BNC2: variants seen among roughly 807,000 people sequenced by gnomAD.
BNC2 encodes the protein zinc finger protein basonuclin-2.
BNC2 carries 20 observed loss-of-function variants against 76.3 expected under a neutral mutation model. The observed-to-expected ratio is 0.26, with a 90% CI of 0.18 to 0.38. BNC2 has a LOEUF of 0.38. Ranked by LOEUF, BNC2 falls within the 10% of genes least tolerant of loss-of-function variation. The probability of loss-of-function intolerance (pLI) is 1.00; values close to 1 mark genes in which losing one functional copy is unlikely to be tolerated. For missense variants in BNC2, 1,382 were observed against 1,399.8 expected (o/e 0.99, Z 0.20); for synonymous variants, 582 against 514.8 (o/e 1.13, Z -1.77).
intron 5 of BNC2, among the ~76,000 whole-genome samples, chr9:16,474,808 A>G (rs531533851): frequency 1.5e-4 from 23 of 152,208 alleles, no homozygotes; most frequent in East Asian, 3.9e-4. Context: ...GAATATTCAC[A>G]TACCATAGTA....
chr9:16,692,617 T>A (rs1823206675), intron 3 of BNC2, among the ~76,000 whole-genome samples: 1 of 152,124 alleles, frequency 6.6e-6, no homozygotes, highest in Non-Finnish European at 1.5e-5. Context: ...CTGAGAACTT[T>A]GAGACCACGA....
At chr9:16,617,660 G>C (rs1271823158) in intron 3 of BNC2, among the ~76,000 whole-genome samples, 1 of 152,144 alleles carries the variant, frequency 6.6e-6, no homozygotes, top group Non-Finnish European at 1.5e-5. Flanking sequence ...CCAGGGGTTA[G>C]GTTTCACTAA....
At chr9:16,568,664 A>T (rs1212614371) in intron 4 of BNC2, among the ~76,000 whole-genome samples, 1 of 152,176 alleles carries the variant, frequency 6.6e-6, no homozygotes, top group Non-Finnish European at 1.5e-5. Context: ...GCTCAAGGCA[A>T]AGACTTAGTC....
chr9:16,842,262 G>T (rs897535483), intron 1 of BNC2, among the ~76,000 whole-genome samples: 30 of 152,228 alleles, frequency 2.0e-4, no homozygotes, highest in African/African-American at 6.7e-4. Context: ...AAAAGATGCT[G>T]GCATTAGAAT....
At chr9:16,628,624 C>T (rs1309858808) in intron 3 of BNC2, among the ~76,000 whole-genome samples, 1 of 152,146 alleles carries the variant, frequency 6.6e-6, no homozygotes, top group African/African-American at 2.4e-5. Flanking sequence ...CACACACAAA[C>T]ACACACGCAG....
chr9:16,584,752 T>C (rs377542310), intron 3 of BNC2, among the ~76,000 whole-genome samples: 6 of 152,222 alleles, frequency 3.9e-5, no homozygotes, highest in African/African-American at 1.4e-4. Context: ...ACATCCCAAG[T>C]CAGAAATAGT....
At chr9:16,799,535 G>C (rs1199763361) in intron 1 of BNC2, among the ~76,000 whole-genome samples, 2 of 151,926 alleles carry the variant, frequency 1.3e-5, no homozygotes, top group African/African-American at 4.8e-5. Context: ...GGCTGGTCTC[G>C]AACTCCTGAC....
intron 1 of BNC2, among the ~76,000 whole-genome samples, chr9:16,795,289 G>T (rs532831742): frequency 4.0e-4 from 61 of 151,950 alleles, no homozygotes; most frequent in African/African-American, 1.5e-3. Flanking sequence ...ACATGTGACC[G>T]GTCTTTCTAC....
intron 3 of BNC2, among the ~76,000 whole-genome samples, chr9:16,668,591 T>C (rs1012432935): frequency 6.6e-6 from 1 of 152,194 alleles, no homozygotes; most frequent in Non-Finnish European, 1.5e-5. Context: ...TAAAATACCA[T>C]CTTGAAACAT....
intron 5 of BNC2, among the ~76,000 whole-genome samples, chr9:16,438,952 C>T (rs778168312): frequency 6.6e-6 from 1 of 152,098 alleles, no homozygotes; most frequent in East Asian, 1.9e-4. Flanking sequence ...CCATAATCCC[C>T]AAATGTCATG....
At chr9:16,740,297 T>C (rs561726447) in intron 1 of BNC2, among the ~76,000 whole-genome samples, 2 of 152,098 alleles carry the variant, frequency 1.3e-5, no homozygotes, top group African/African-American at 2.4e-5. Context: ...AAAATCAGAA[T>C]AGTGCTTAAG....
intron 5 of BNC2, among the ~76,000 whole-genome samples, chr9:16,471,413 C>T (rs1821822147): frequency 6.6e-6 from 1 of 152,054 alleles, no homozygotes; most frequent in Admixed American, 6.6e-5. Flanking sequence ...CCTGACTCAG[C>T]CTCCCAAGTA....
intron 5 of BNC2, among the ~76,000 whole-genome samples, chr9:16,451,508 A>G (rs903075772): frequency 2.0e-5 from 3 of 151,078 alleles, no homozygotes; most frequent in East Asian, 1.9e-4. Context: ...TCCCCTCAAT[A>G]TAGACTCAAC....
At chr9:16,552,467 C>T in intron 5 of BNC2, 63 bp downstream of exon 5, 1 of 1,435,414 alleles carries the variant, frequency 7.0e-7, no homozygotes, top group Non-Finnish European at 9.7e-7. Context: ...TTGTCAAGGA[C>T]TCTCACCCTT....
At chr9:16,729,809 G>C (rs1824455186) in intron 2 of BNC2, among the ~76,000 whole-genome samples, 2 of 152,050 alleles carry the variant, frequency 1.3e-5, no homozygotes, top group African/African-American at 4.8e-5. Context: ...TTTCTGAAGT[G>C]GCACTCAGTG....
intron 4 of BNC2, among the ~76,000 whole-genome samples, chr9:16,577,269 T>C (rs1015737900): frequency 6.6e-5 from 10 of 152,006 alleles, no homozygotes; most frequent in African/African-American, 2.4e-4. Flanking sequence ...TGAAGGTCTC[T>C]ATAAATACCC....
At chr9:16,524,040 T>C (rs1563824001) in intron 5 of BNC2, among the ~76,000 whole-genome samples, 1 of 152,182 alleles carries the variant, frequency 6.6e-6, no homozygotes, top group Non-Finnish European at 1.5e-5. Flanking sequence ...CCATATGAGA[T>C]TATGCTGTGA....
intron 5 of BNC2, among the ~76,000 whole-genome samples, chr9:16,463,788 G>A (rs1410311755): frequency 6.6e-6 from 1 of 152,024 alleles, no homozygotes; most frequent in Non-Finnish European, 1.5e-5. Context: ...CAGGCATGGT[G>A]GTTCACGTCT....
Position 16,418,906 on chromosome 9 carries a change from G to T in BNC2, c.*83C>A. On this transcript the variant is annotated 3_prime_UTR_variant, in exon 7 of 7. Transcript: ENST00000380672. ...ACACACACACACACACACACCCCAA[G>T]TACATAAGCGCACACTGACTATGGC... is the stretch of plus-strand genomic sequence containing the variant. 4.3e-6 allele frequency: 5 copies of T among 1,151,666 alleles called. No individual in the cohort carries two copies. Among genetic ancestry groups the T allele is most frequent in the Non-Finnish European group, 6.0e-6 (5 of 831,884 alleles). 71.3% of individuals were successfully genotyped at this position (1,151,666 alleles called of 1,614,324 possible). A position where few individuals can be genotyped will look rare whatever the true frequency, so the allele number is the denominator to read the frequency against.
Sources: allele counts gnomAD v4.1 joint callset (sites outside exome capture counted in the v4.1 genomes callset), GRCh38; gene constraint gnomAD v4.1.1; transcripts MANE v1.5; gene names NCBI Gene and HGNC (gene_info 2026-07-23, HGNC 2026-07-21).